Variants in NUP62CL observed in about 807,000 individuals in gnomAD.
The protein encoded by NUP62CL is nucleoporin-62 C-terminal-like protein.
Under a neutral mutation model 15.3 loss-of-function variants are expected in NUP62CL, and 13 were observed. The ratio of observed to expected loss-of-function variants is 0.85; its 90% confidence interval spans 0.55 to 1.35. The LOEUF is 1.35. Ranked by LOEUF, NUP62CL falls within the 40% of genes most tolerant of loss-of-function variation. The pLI, the probability that NUP62CL is intolerant of heterozygous loss-of-function variation, is 0.00. For missense variants in NUP62CL, 123 were observed against 130.6 expected, an observed-to-expected ratio of 0.94 and a Z score of 0.28; for synonymous variants, 54 against 49.2, an observed-to-expected ratio of 1.10 and a Z score of -0.41.
intron 1 of NUP62CL, among the ~76,000 whole-genome samples, chrX:107,205,117 G>A (rs1927642849): frequency 1.8e-5 from 2 of 110,643 alleles, no homozygotes; most frequent in African/African-American, 3.3e-5. Context: ...AACAGTTGTC[G>A]GTTATATATT....
At chrX:107,131,653 G>C in intron 8 of NUP62CL, 1 of 592,982 alleles carries the variant, frequency 1.7e-6, no homozygotes, top group South Asian at 2.4e-5. Flanking sequence ...CGGCCGACTA[G>C]CGGGATCTGG....
At chrX:107,155,533 G>C (rs1224933633) in intron 4 of NUP62CL, among the ~76,000 whole-genome samples, 6 of 111,964 alleles carry the variant, frequency 5.4e-5, no homozygotes, top group African/African-American at 1.9e-4. Flanking sequence ...GGCTAAGCGG[G>C]AAGCAGTTTC....
chrX:107,127,913 A>C (rs1602632842), intron 8 of NUP62CL, among the ~76,000 whole-genome samples: 1 of 112,220 alleles, frequency 8.9e-6, no homozygotes, highest in Non-Finnish European at 1.9e-5. Context: ...AAATTAAACC[A>C]GGAAAATATT....
chrX:107,189,798 AAGAG>A (rs1292656895), intron 2 of NUP62CL, among the ~76,000 whole-genome samples: 5 of 90,351 alleles, frequency 5.5e-5, no homozygotes, highest in East Asian at 3.5e-4. Context: ...GAAAGAAAGA[AAGAG>A]AGAGAGAGAA....
At chrX:107,147,665 C>T (rs1168962378) in intron 8 of NUP62CL, 78 bp downstream of exon 8, 1 of 609,860 alleles carries the variant, frequency 1.6e-6, no homozygotes, top group Non-Finnish European at 2.8e-6. Context: ...TGAGTTTGGT[C>T]ATGGAGCATA....
At chrX:107,151,222 T>C (rs1044317251) in intron 7 of NUP62CL, among the ~76,000 whole-genome samples, 3 of 111,400 alleles carry the variant, frequency 2.7e-5, no homozygotes, top group Non-Finnish European at 5.6e-5. Flanking sequence ...ATTTATCCTC[T>C]AGGTGAATAC....
chrX:107,168,536 T>C (rs746850701), intron 3 of NUP62CL, among the ~76,000 whole-genome samples: 14 of 112,108 alleles, frequency 1.2e-4, no homozygotes, highest in Admixed American at 1.0e-3. Context: ...TATCACCCAC[T>C]TCTCTCCTAC....
Position 107,124,026 on chromosome X carries a change from T to G in NUP62CL, c.*349A>C. The G allele has an allele frequency of 4.5e-6, 1 of 222,480 alleles. No individual in the cohort carries two copies. Among genetic ancestry groups the G allele is most frequent in the Non-Finnish European group, 8.1e-6 (1 of 122,840 alleles). The allele number at this position is 222,480 out of a possible 1,213,427, so 18.3% of individuals were successfully genotyped here. ...ACATATAGAGTCAGCATCTAAGAGG[T>G]TGCTGTCTGGACAAAGGGGCTAGTA... On this transcript the variant is annotated 3_prime_UTR_variant, in exon 9 of 9. Transcript: ENST00000372466.
chrX:107,193,158 T>C (rs1377073161), intron 1 of NUP62CL, 86 bp from the exon 2 acceptor site: 1 of 112,340 alleles, frequency 8.9e-6, no homozygotes, highest in Non-Finnish European at 1.9e-5. Flanking sequence ...GAAGCCACAC[T>C]GGAGTTGCTC....
At chrX:107,130,622 C>T (rs760933831) in intron 8 of NUP62CL, among the ~76,000 whole-genome samples, 4 of 111,089 alleles carry the variant, frequency 3.6e-5, no homozygotes, top group African/African-American at 6.5e-5. Context: ...AGACCATAGC[C>T]GAGCAGCAGA....
Position 107,153,480 on chromosome X carries a change from C to T in NUP62CL, c.369G>A (p.Val123=), listed in dbSNP as rs759826370. ...GEMIRILHGE[V]NKVKLDQKRL... is the part of the protein sequence containing the mutation. ...TTTTCTGATCCAGTTTCACTTTGTTCACTTCTCCATGTAAAATACGAATCT... is the reference window on the plus strand; with the variant it reads ...TTTTCTGATCCAGTTTCACTTTGTTTACTTCTCCATGTAAAATACGAATCT... Residue 123 remains valine (V), a synonymous_variant, in exon 6 of 9, where the codon GTG becomes GTA. Transcript: ENST00000372466. 11 of 1,150,448 alleles carry T rather than the reference C, an allele frequency of 9.6e-6. No individual in the cohort carries two copies. The highest frequency in any genetic ancestry group is 9.0e-5 in the East Asian group (3 of 33,335). The allele number at this position is 1,150,448 out of a possible 1,213,427, so 94.8% of individuals were successfully genotyped here.
At position 107,147,194 on chromosome X, in the gene NUP62CL, T is replaced by C. The variant is rs746385437; in HGVS notation, c.*42+549A>G. Among the ~76,000 whole-genome samples the C allele has an allele frequency of 8.8e-4, 98 of 111,810 alleles. 1 individual carries two copies. Among genetic ancestry groups the C allele is most frequent in the African/African-American group, 3.0e-3 (94 of 30,908 alleles). On this transcript the variant is annotated intron_variant, in intron 8 of 8. Transcript: ENST00000372466. ...GGTAGTAATACTGGTATTATAATTC[T>C]GAAACTAATAATAAACCTATTAAGA...
chrX:107,137,214 A>G (rs924322808), intron 8 of NUP62CL, among the ~76,000 whole-genome samples: 1 of 111,978 alleles, frequency 8.9e-6, no homozygotes, highest in Non-Finnish European at 1.9e-5. Context: ...ACAAACAAAC[A>G]AAAACTCCCA....
intron 8 of NUP62CL, among the ~76,000 whole-genome samples, chrX:107,125,523 T>C (rs185950297): frequency 8.9e-6 from 1 of 111,757 alleles, no homozygotes; most frequent in African/African-American, 3.2e-5. Context: ...CCTCATTTTA[T>C]CTTATAAAGA....
intron 1 of NUP62CL, among the ~76,000 whole-genome samples, chrX:107,204,547 G>C (rs926403622): frequency 9.1e-6 from 1 of 110,137 alleles, no homozygotes; most frequent in Admixed American, 9.9e-5. Flanking sequence ...TCCCCAAGAA[G>C]AAAACTAATA....
intron 2 of NUP62CL, 76 bp from the exon 3 acceptor site, chrX:107,175,269 G>T: frequency 2.0e-6 from 1 of 505,410 alleles, no homozygotes; most frequent in African/African-American, 2.3e-5. Flanking sequence ...TTATGACAAG[G>T]TTCATTAATA....
At chrX:107,148,595 A>T (rs1404129133) in intron 7 of NUP62CL, among the ~76,000 whole-genome samples, 1 of 111,994 alleles carries the variant, frequency 8.9e-6, no homozygotes, top group Non-Finnish European at 1.9e-5. Flanking sequence ...AATACAAAAG[A>T]AGTATTTTTA....
chrX:107,155,287 T>A (rs1849738601), intron 4 of NUP62CL, among the ~76,000 whole-genome samples: 1 of 112,227 alleles, frequency 8.9e-6, no homozygotes, highest in South Asian at 3.7e-4. Context: ...AATGAAGTGA[T>A]ATGAAACAAA....
chrX:107,185,110 T>C (rs1347878663), intron 2 of NUP62CL, among the ~76,000 whole-genome samples: 2 of 101,243 alleles, frequency 2.0e-5, no homozygotes, highest in Non-Finnish European at 3.9e-5. Flanking sequence ...GGCAGGCGAA[T>C]GGCGTGTACC....
Sources: allele counts gnomAD v4.1 joint callset (sites outside exome capture counted in the v4.1 genomes callset), GRCh38; gene constraint gnomAD v4.1.1; transcripts MANE v1.5; gene names NCBI Gene and HGNC (gene_info 2026-07-23, HGNC 2026-07-21).